SLIT2: variants seen among roughly 807,000 people sequenced by gnomAD.
SLIT2 encodes the protein slit homolog 2 protein.
SLIT2 carries 41 observed loss-of-function variants against 185.7 expected under a neutral mutation model. That is an observed-to-expected ratio of 0.22 (90% CI 0.17 to 0.29). The LOEUF (loss-of-function observed/expected upper bound fraction) is 0.29, where lower values mean the gene tolerates loss of function less well. Among genes scored for constraint, SLIT2 ranks in the 10% least tolerant of loss-of-function variants. SLIT2 has a pLI of 1.00. For missense variants in SLIT2, 1,571 were observed against 1,909.0 expected (o/e 0.82, Z 3.30); for synonymous variants, 693 against 680.2 (o/e 1.02, Z -0.29).
chr4:20,580,968 AAAAG>A (rs1443614727), intron 29 of SLIT2, among the ~76,000 whole-genome samples: 7 of 152,220 alleles, frequency 4.6e-5, no homozygotes, highest in African/African-American at 1.7e-4. Context: ...AAGAAAAAGA[AAAAG>A]GAAGAAATAG....
chr4:20,545,873 A>G (rs1478363160), intron 21 of SLIT2, among the ~76,000 whole-genome samples, 158 bp from the exon 22 acceptor site: 1 of 150,392 alleles, frequency 6.6e-6, no homozygotes, highest in Non-Finnish European at 1.5e-5. Context: ...TTTTTTCTTT[A>G]CTTCTCTTAA....
intron 3 of SLIT2, among the ~76,000 whole-genome samples, chr4:20,266,847 G>A (rs1172542049): frequency 2.6e-5 from 4 of 151,968 alleles, no homozygotes; most frequent in Admixed American, 2.6e-4. Context: ...TCAGGGGAAG[G>A]TTCACAGAGG....
chr4:20,476,871 C>T (rs954899386), intron 5 of SLIT2, among the ~76,000 whole-genome samples: 2 of 152,074 alleles, frequency 1.3e-5, no homozygotes, highest in African/African-American at 4.8e-5. Flanking sequence ...ACCTTTTTGT[C>T]ATTTAATATA....
chr4:20,410,632 T>C (rs1436425991), intron 4 of SLIT2, among the ~76,000 whole-genome samples: 3 of 152,060 alleles, frequency 2.0e-5, no homozygotes, highest in East Asian at 3.9e-4. Flanking sequence ...ATTTTCTACA[T>C]GTGGCTAGCC....
intron 33 of SLIT2, among the ~76,000 whole-genome samples, chr4:20,607,404 G>C (rs989476486): frequency 3.3e-5 from 5 of 152,086 alleles, no homozygotes; most frequent in African/African-American, 1.2e-4. Context: ...ATTGATATAT[G>C]TTATTCCTAA....
intron 4 of SLIT2, among the ~76,000 whole-genome samples, chr4:20,369,590 T>C (rs1218756978): frequency 6.6e-6 from 1 of 152,112 alleles, no homozygotes; most frequent in East Asian, 1.9e-4. Context: ...TTGTCCACTC[T>C]TTGTTTGTCC....
intron 6 of SLIT2, among the ~76,000 whole-genome samples, chr4:20,481,571 T>G (rs2148779662): frequency 6.6e-6 from 1 of 152,276 alleles, no homozygotes; most frequent in Admixed American, 6.5e-5. Context: ...TTTTCTCTGC[T>G]TTATTTCATC....
At chr4:20,304,832 C>A (rs143310811) in intron 4 of SLIT2, among the ~76,000 whole-genome samples, 1 of 152,020 alleles carries the variant, frequency 6.6e-6, no homozygotes, top group Non-Finnish European at 1.5e-5. Flanking sequence ...TTTAAGAGAG[C>A]GTGATTGGTG....
At chr4:20,433,502 T>C (rs900903090) in intron 4 of SLIT2, among the ~76,000 whole-genome samples, 7 of 152,366 alleles carry the variant, frequency 4.6e-5, no homozygotes, top group South Asian at 4.1e-4. Flanking sequence ...TTGGACAAGA[T>C]ACATTGCATA....
chr4:20,492,123 T>C (rs1414026433), intron 9 of SLIT2, among the ~76,000 whole-genome samples: 1 of 152,188 alleles, frequency 6.6e-6, no homozygotes, highest in Non-Finnish European at 1.5e-5. Flanking sequence ...AGGAATACAT[T>C]TTTTAGGAAA....
At chr4:20,554,071 G>A in intron 26 of SLIT2, 103 bp downstream of exon 26, 3 of 950,718 alleles carry the variant, frequency 3.2e-6, no homozygotes, top group African/African-American at 3.3e-5. Flanking sequence ...GAAATGCCCA[G>A]TAAATGATTA....
intron 6 of SLIT2, among the ~76,000 whole-genome samples, chr4:20,481,926 CAA>C (rs1716745346): frequency 6.6e-6 from 1 of 152,010 alleles, no homozygotes; most frequent in South Asian, 2.1e-4. Flanking sequence ...TACTCTCTAA[CAA>C]CAGGAGAGGC....
chr4:20,346,050 G>A (rs1721382944), intron 4 of SLIT2, among the ~76,000 whole-genome samples: 2 of 152,146 alleles, frequency 1.3e-5, no homozygotes, highest in South Asian at 4.1e-4. Flanking sequence ...CTAGAGTGCA[G>A]CGGTATGACC....
At chr4:20,565,010 A>G (rs1364002653) in intron 26 of SLIT2, among the ~76,000 whole-genome samples, 2 of 152,126 alleles carry the variant, frequency 1.3e-5, no homozygotes, top group Non-Finnish European at 2.9e-5. Flanking sequence ...TACTTCAGCC[A>G]GGCAATGATG....
At chr4:20,548,766 GTT>G (rs1316795277) in intron 23 of SLIT2, among the ~76,000 whole-genome samples, 1 of 152,110 alleles carries the variant, frequency 6.6e-6, no homozygotes, top group African/African-American at 2.4e-5. Context: ...AATAATTTGT[GTT>G]TGTGGGGGGC....
At chr4:20,446,477 G>A (rs150646875) in intron 4 of SLIT2, among the ~76,000 whole-genome samples, 17 of 152,292 alleles carry the variant, frequency 1.1e-4, no homozygotes, top group African/African-American at 3.1e-4. Context: ...GTTTGGAATT[G>A]TATCCAGATT....
Position 20,472,526 on chromosome 4 carries a change from A to ATATATATCGATATATATC in SLIT2, c.467+4709_467+4710insTCGATATATATCTATATA, listed in dbSNP as rs1715523927. On this transcript the variant is annotated intron_variant, in intron 5 of 36. Coordinates refer to ENST00000504154, the MANE Select transcript of SLIT2 (RefSeq NM_004787.4). ...TCTATATATAGATAGATATATATCT[A>ATATATATCGATATATATC]TATATAGATATATCTATATCTATAT... 2.3e-4 allele frequency among the ~76,000 whole-genome samples: 6 copies of ATATATATCGATATATATC among 26,076 alleles called. 3 individuals are homozygous for ATATATATCGATATATATC. Among genetic ancestry groups the ATATATATCGATATATATC allele is most frequent in the African/African-American group, 1.6e-3 (6 of 3,778 alleles). 17.1% of individuals were successfully genotyped at this position (26,076 alleles called of 152,430 possible).
chr4:20,531,743 G>C (rs2292436), intron 16 of SLIT2, among the ~76,000 whole-genome samples: 17,246 of 150,228 alleles, frequency 0.11, 1,211 homozygotes, highest in East Asian at 0.33. Flanking sequence ...CTGAGAGCTG[G>C]TTTTGATCTT....
chr4:20,598,116 C>A, intron 32 of SLIT2, 149 bp from the exon 33 acceptor site: 1 of 641,146 alleles, frequency 1.6e-6, no homozygotes, highest in Non-Finnish European at 2.5e-6. Context: ...AGTCACCTTT[C>A]AAGGAATAAT....
Sources: allele counts gnomAD v4.1 joint callset (sites outside exome capture counted in the v4.1 genomes callset), GRCh38; gene constraint gnomAD v4.1.1; transcripts MANE v1.5; gene names NCBI Gene and HGNC (gene_info 2026-07-23, HGNC 2026-07-21).